MPPE1: variants seen among roughly 807,000 people sequenced by gnomAD.
MPPE1 encodes metallophosphoesterase 1, also known as metallo phosphoesterase.
In MPPE1, 28 loss-of-function variants were observed where a neutral mutation model predicts 43.8. The observed-to-expected ratio is 0.64, with a 90% CI of 0.47 to 0.88. The LOEUF is 0.88. MPPE1 is among the 40% of genes least tolerant of loss of function. MPPE1 has a pLI of 0.00. For missense variants in MPPE1, 428 were observed against 492.2 expected, an observed-to-expected ratio of 0.87 and a Z score of 1.23; for synonymous variants, 159 against 188.5, an observed-to-expected ratio of 0.84 and a Z score of 1.28.
chr18:11,885,197 G>T, intron 10 of MPPE1: 1 of 459,484 alleles, frequency 2.2e-6, no homozygotes, highest in Non-Finnish European at 3.3e-6. Context: ...TGTCGTACCA[G>T]CATCATGAGC....
intron 4 of MPPE1, among the ~76,000 whole-genome samples, chr18:11,890,033 C>T (rs2037800811): frequency 6.6e-6 from 1 of 151,434 alleles, no homozygotes; most frequent in Admixed American, 6.6e-5. Flanking sequence ...AGCTCTGCCT[C>T]CGGGGTTCAC....
intron 2 of MPPE1, among the ~76,000 whole-genome samples, chr18:11,898,218 G>A (rs1426464859): frequency 6.6e-6 from 1 of 151,206 alleles, no homozygotes; most frequent in African/African-American, 2.5e-5. Flanking sequence ...GCAGGCACTC[G>A]TCACCACGTC....
At chr18:11,899,647 T>C (rs1164720401) in intron 2 of MPPE1, among the ~76,000 whole-genome samples, 1 of 152,174 alleles carries the variant, frequency 6.6e-6, no homozygotes, top group Non-Finnish European at 1.5e-5. Context: ...GGCGGTGACC[T>C]TCCCAGGGAG....
chr18:11,903,155 CCT>C (rs1350464436), intron 2 of MPPE1, among the ~76,000 whole-genome samples: 3 of 152,096 alleles, frequency 2.0e-5, no homozygotes, highest in Non-Finnish European at 4.4e-5. Flanking sequence ...TAACATATTG[CCT>C]CTCTAAAAAC....
Position 11,898,910 on chromosome 18 carries a change from CT to C in MPPE1, c.-92-1555del, listed in dbSNP as rs34960916. On this transcript the variant is annotated intron_variant, in intron 2 of 10. Transcript: ENST00000588072. ...CAGTGGCCAGCCTTCATTAATTAAA[CT>C]TTTTTTTTTTTTCTGAGACAGAATC... Among the ~76,000 whole-genome samples the C allele has an allele frequency of 3.8e-4, 54 of 142,664 alleles. No individual in the cohort carries two copies. In the South Asian group the frequency reaches 4.3e-3, roughly 11 times the overall value. The allele number at this position is 142,664 out of a possible 152,430, so 93.6% of individuals were successfully genotyped here.
chr18:11,891,525 C>T (rs537208135), intron 4 of MPPE1: 1 of 152,194 alleles, frequency 6.6e-6, no homozygotes, highest in East Asian at 1.9e-4. Context: ...GAATAACAGA[C>T]ATAGAAAAAC....
chr18:11,886,986 G>C lies in MPPE1; in HGVS notation c.609C>G (p.Gly203=). Residue 203 remains glycine, a synonymous_variant, in exon 7 of 11, where the codon GGC becomes GGG. Transcript: ENST00000588072. The surrounding 1 kb of genome is among the most constrained non-coding windows in gnomAD (Gnocchi z 4.1). ...MVNSVALNGD[G]CGICSETEAE... ...CTTCTGTTTCAGAGCAGATGCCACA[G>C]CCATCCCCGTTCAGCGCCACGCTGT... 1.2e-6 allele frequency: 2 copies of C among 1,613,800 alleles called. No individual in the cohort carries two copies. Among genetic ancestry groups the C allele is most frequent in the Non-Finnish European group, 1.7e-6 (2 of 1,179,752 alleles).
rs775301843 is a variant in MPPE1, at chr18:11,886,483, C to T, written c.867+16G>A. ...CACACTGTGACATGAATTAGCATCA[C>T]GACACCCTGGCAAACCTTTTGTGAT... On this transcript the variant is annotated intron_variant, in intron 9 of 10. Transcript: ENST00000588072. This position sits in a 1 kb window ranked among gnomAD's most constrained non-coding sequence, Gnocchi z 4.1. 3 of 1,614,070 alleles carry T rather than the reference C, an allele frequency of 1.9e-6. No homozygotes were observed. Among genetic ancestry groups the T allele is most frequent in the Admixed American group, 3.3e-5 (2 of 60,010 alleles).
chr18:11,886,340 C>T lies in MPPE1; in HGVS notation c.867+159G>A. On this transcript the variant is annotated intron_variant, in intron 9 of 10. Coordinates refer to ENST00000588072, the MANE Select transcript of MPPE1 (RefSeq NM_023075.6). This position sits in a 1 kb window ranked among gnomAD's most constrained non-coding sequence, Gnocchi z 4.1. ...AGCGATTAAATGAAAATCTGAGATA[C>T]TGTGAAAGCCAGGCCTCCACCCCTG... 1.1e-6 allele frequency: 1 copy of T among 941,198 alleles called. No individual in the cohort carries two copies. Among genetic ancestry groups the T allele is most frequent in the Non-Finnish European group, 1.6e-6 (1 of 614,172 alleles). 58.3% of individuals were successfully genotyped at this position (941,198 alleles called of 1,614,324 possible). A position where few individuals can be genotyped will look rare whatever the true frequency, so the allele number is the denominator to read the frequency against.
chr18:11,901,695 C>T (rs998516513), intron 2 of MPPE1, among the ~76,000 whole-genome samples: 1 of 152,056 alleles, frequency 6.6e-6, no homozygotes, highest in East Asian at 2.0e-4. Context: ...AAAAATTAGG[C>T]AGGTGTGGTG....
In MPPE1 at chr18:11,884,412, T is replaced by C. The variant is rs372168400; in HGVS notation, c.*33A>G. The C allele has an allele frequency of 2.5e-6, 4 of 1,603,216 alleles. No individual in the cohort carries two copies. Among genetic ancestry groups the C allele is most frequent in the East Asian group, 4.5e-5 (2 of 44,678 alleles). On this transcript the variant is annotated 3_prime_UTR_variant, in exon 11 of 11. Transcript: ENST00000588072. The stretch of plus-strand genomic sequence containing the variant: ...TGATCTCTGCCCAAAGTTCCATTTC[T>C]TGGGCTTTGATATTTATAATGGCGC...
intron 6 of MPPE1, among the ~76,000 whole-genome samples, chr18:11,887,505 C>T (rs1465183540): frequency 6.6e-6 from 1 of 152,208 alleles, no homozygotes; most frequent in Non-Finnish European, 1.5e-5. Flanking sequence ...CAGAGTGCAT[C>T]AGTGACATAC....
chr18:11,887,126 A>C, intron 6 of MPPE1, 101 bp from the exon 7 acceptor site: 1 of 781,874 alleles, frequency 1.3e-6, no homozygotes, highest in South Asian at 1.8e-5. Context: ...GTGCAAAGAA[A>C]CAAGCCCAGA....
chr18:11,901,345 C>T (rs1197505899), intron 2 of MPPE1, among the ~76,000 whole-genome samples: 1 of 152,024 alleles, frequency 6.6e-6, no homozygotes, highest in African/African-American at 2.4e-5. Flanking sequence ...ATCCTCCTAC[C>T]TGAGCCTCCC....
At chr18:11,900,122 G>A (rs1233843163) in intron 2 of MPPE1, among the ~76,000 whole-genome samples, 4 of 151,994 alleles carry the variant, frequency 2.6e-5, no homozygotes, top group East Asian at 2.0e-4. Flanking sequence ...CAAGGTGGGC[G>A]GATCACCTGA....
In MPPE1 at chr18:11,884,379, T is replaced by A; in HGVS notation, c.*66A>T. On this transcript the variant is annotated 3_prime_UTR_variant, in exon 11 of 11. Transcript: ENST00000588072. Reference sequence around the variant, plus strand: ...GTAATTGGTCTCATCATCCACTTGATTCTAACATGATCTCTGCCCAAAGTT... The same window carrying A: ...GTAATTGGTCTCATCATCCACTTGAATCTAACATGATCTCTGCCCAAAGTT... The A allele has an allele frequency of 6.6e-7, 1 of 1,518,282 alleles. No homozygotes were observed. The highest frequency in any genetic ancestry group is 2.0e-4 in the Middle Eastern group (1 of 4,922). 94.1% of individuals were successfully genotyped at this position (1,518,282 alleles called of 1,614,324 possible). A position where few individuals can be genotyped will look rare whatever the true frequency, so the allele number is the denominator to read the frequency against.
rs183624344 is a variant in MPPE1 at position 11,887,042 on chromosome 18, C to T, written c.570-17G>A. The T allele has an allele frequency of 1.5e-4, 240 of 1,593,604 alleles. 2 individuals carry two copies. The East Asian group carries it at 4.0e-3, about 27-fold the overall frequency. ...ATCACAAAGCTGAAGCGGAGGGAAACGCAGGTGAGGCCGCTGGGGGTATCA... is the reference window on the plus strand; with the variant it reads ...ATCACAAAGCTGAAGCGGAGGGAAATGCAGGTGAGGCCGCTGGGGGTATCA... On this transcript the variant is annotated splice_polypyrimidine_tract_variant and intron_variant, in intron 6 of 10. Coordinates refer to ENST00000588072, the MANE Select transcript of MPPE1 (RefSeq NM_023075.6).
chr18:11,900,861 T>G (rs368853419), intron 2 of MPPE1, among the ~76,000 whole-genome samples: 2 of 148,404 alleles, frequency 1.3e-5, no homozygotes, highest in Non-Finnish European at 3.0e-5. Flanking sequence ...GAGCCGAGAT[T>G]GCGCCACTGC....
chr18:11,893,357 T>A, intron 4 of MPPE1, 111 bp downstream of exon 4: 1 of 708,140 alleles, frequency 1.4e-6, no homozygotes, highest in Non-Finnish European at 2.4e-6. Context: ...CAGTAGTAAG[T>A]ACAACTTCCA....
Sources: allele counts gnomAD v4.1 joint callset (sites outside exome capture counted in the v4.1 genomes callset), GRCh38; gene constraint gnomAD v4.1.1; non-coding constraint Gnocchi (gnomAD v3.1); transcripts MANE v1.5; gene names NCBI Gene and HGNC (gene_info 2026-07-23, HGNC 2026-07-21).